Variants in INPP4A observed in about 807,000 individuals in gnomAD.
The protein encoded by INPP4A is inositol polyphosphate-4-phosphatase type I A.
INPP4A carries 33 observed loss-of-function variants against 119.8 expected under a neutral mutation model. That is an observed-to-expected ratio of 0.28 (90% confidence interval 0.21 to 0.37). The LOEUF is 0.37. Among genes scored for constraint, INPP4A ranks in the 10% least tolerant of loss-of-function variants. INPP4A has a pLI of 1.00. For missense variants in INPP4A, 956 were observed against 1,289.9 expected, an observed-to-expected ratio of 0.74 and a Z score of 3.97; for synonymous variants, 496 against 500.7, an observed-to-expected ratio of 0.99 and a Z score of 0.12.
At position 98,593,922 on chromosome 2, in the gene INPP4A, A is replaced by T; in HGVS notation, c.*6314A>T. The T allele has an allele frequency of 6.6e-6, 1 of 150,808 alleles. No homozygotes were observed. The highest frequency in any genetic ancestry group is 1.9e-4 in the East Asian group (1 of 5,200). The allele number at this position is 150,808 out of a possible 1,614,324, so 9.3% of individuals were successfully genotyped here. A position where few individuals can be genotyped will look rare whatever the true frequency, so the allele number is the denominator to read the frequency against. On this transcript the variant is annotated 3_prime_UTR_variant, in exon 25 of 25. Transcript: ENST00000409851. ...CCCACAAATGAAGTTGGCCCTTTCA[A>T]AAAAACTTCCTCTCCTTCATTGTTG... is the stretch of plus-strand genomic sequence containing the variant.
intron 1 of INPP4A, among the ~76,000 whole-genome samples, chr2:98,462,177 G>T (rs1673699924): frequency 6.6e-6 from 1 of 152,224 alleles, no homozygotes; most frequent in Non-Finnish European, 1.5e-5. Context: ...GGCCAGGCGT[G>T]GTGGCTCACG....
rs867760971 is a variant in INPP4A at position 98,572,877 on chromosome 2, G to A, written c.2581G>A (p.Val861Met). The change falls in exon 23 of 25, where the codon GTG (valine) becomes ATG (methionine). Residue 861 changes from valine (V) to methionine (M), a missense_variant. Transcript: ENST00000409851. ...PELLRFLGQN[V>M]HARKNKNVDI... ...GCTGCTGCGGTTTCTGGGTCAGAAC[G>A]TGCATGCCCGGAAGAATAAGAACGT... The A allele has an allele frequency of 1.9e-6, 3 of 1,580,596 alleles. No individual in the cohort carries two copies. Among genetic ancestry groups the A allele is most frequent in the Non-Finnish European group, 1.7e-6 (2 of 1,163,346 alleles).
intron 19 of INPP4A, 50 bp from the exon 20 acceptor site, chr2:98,565,590 A>C: frequency 1.3e-6 from 2 of 1,559,636 alleles, no homozygotes; most frequent in Non-Finnish European, 1.7e-6. Flanking sequence ...GAGACTGGGG[A>C]GAGTAGCAGG....
At chr2:98,507,664 T>C (rs1574816293) in intron 1 of INPP4A, among the ~76,000 whole-genome samples, 1 of 150,826 alleles carries the variant, frequency 6.6e-6, no homozygotes, top group Admixed American at 6.6e-5. Flanking sequence ...AGCTGGAGAG[T>C]TTCAAGTTGG....
Position 98,569,642 on chromosome 2 carries a change from A to G in INPP4A, c.2518+974A>G, listed in dbSNP as rs1286931522. On this transcript the variant is annotated intron_variant, in intron 22 of 24. Coordinates refer to ENST00000409851, the MANE Select transcript of INPP4A (RefSeq NM_001134225.2). The surrounding 1 kb of genome is among the most constrained non-coding windows in gnomAD (Gnocchi z 5.1). ...CATACGTTTCCACGCTGAATCCACA[A>G]CAGCCCTATGGGTCGGTGATAGGAT... 1 of 152,198 alleles carries G rather than the reference A, an allele frequency of 6.6e-6. No homozygotes were observed. Among genetic ancestry groups the G allele is most frequent in the Non-Finnish European group, 1.5e-5 (1 of 68,060 alleles). The allele number at this position is 152,198 out of a possible 1,614,324, so 9.4% of individuals were successfully genotyped here.
chr2:98,564,655 T>C lies in INPP4A; in HGVS notation c.2044T>C (p.Cys682Arg). 6.2e-7 allele frequency: 1 copy of C among 1,613,444 alleles called. No homozygotes were observed. Among genetic ancestry groups the C allele is most frequent in the Non-Finnish European group, 8.5e-7 (1 of 1,179,774 alleles). ...GCTCCCACAGCTGACCGCCCTCATC[T>C]GCGGCTTCATCATTAAGCTGAGGAA... ...VFCQTLTALI[C>R]GFIIKLRNCL... The change falls in exon 19 of 25, where the codon TGC becomes CGC. Residue 682 changes from cysteine to arginine, a missense_variant. Cys to Arg is a radical substitution (Grantham distance 180). Around this residue, in one of 2 missense-constraint regions of INPP4A, gnomAD observed 304 missense variants for 492.1 expected, o/e 0.62. Transcript: ENST00000409851.
chr2:98,561,911 A>G (rs1035468035), intron 17 of INPP4A, among the ~76,000 whole-genome samples: 1 of 152,252 alleles, frequency 6.6e-6, no homozygotes, highest in Non-Finnish European at 1.5e-5. Flanking sequence ...ATTGGCATAC[A>G]TTCAACAGAA....
At chr2:98,514,008 G>C (rs1244879560) in intron 1 of INPP4A, among the ~76,000 whole-genome samples, 2 of 152,188 alleles carry the variant, frequency 1.3e-5, no homozygotes, top group Non-Finnish European at 2.9e-5. Context: ...AGATCCCTGG[G>C]TAGATTCAGT....
intron 1 of INPP4A, among the ~76,000 whole-genome samples, chr2:98,493,883 G>A (rs925076730): frequency 2.0e-5 from 3 of 152,174 alleles, no homozygotes; most frequent in Admixed American, 1.3e-4. Flanking sequence ...TTCACTTCTG[G>A]AATGGTGGTG....
chr2:98,508,547 T>G (rs1684522187), intron 1 of INPP4A, among the ~76,000 whole-genome samples: 1 of 152,222 alleles, frequency 6.6e-6, no homozygotes, highest in South Asian at 2.1e-4. Context: ...CCCGGCCCTC[T>G]TGGAGCAGCA....
chr2:98,552,695 C>T (rs757306931), intron 13 of INPP4A, 91 bp from the exon 14 acceptor site: 3 of 1,039,884 alleles, frequency 2.9e-6, no homozygotes, highest in Non-Finnish European at 4.5e-6. Flanking sequence ...AACACTTCAT[C>T]TTAGGGTCAA....
chr2:98,566,206 G>A lies in INPP4A; in HGVS notation c.2420+37G>A. The A allele has an allele frequency of 6.5e-7, 1 of 1,541,720 alleles. No individual in the cohort carries two copies. Among genetic ancestry groups the A allele is most frequent in the Non-Finnish European group, 8.8e-7 (1 of 1,140,678 alleles). On this transcript the variant is annotated intron_variant, in intron 21 of 24. Transcript: ENST00000409851. This position sits in a 1 kb window ranked among gnomAD's most constrained non-coding sequence, Gnocchi z 4.2. ...CTCCTCGGGGCTGCGGGGGTGTGGT[G>A]GCCCTGGAGATGATGCAGAAAACGT... is the stretch of plus-strand genomic sequence containing the variant.
At chr2:98,578,676 G>A (rs532196585) in intron 24 of INPP4A, among the ~76,000 whole-genome samples, 3 of 152,342 alleles carry the variant, frequency 2.0e-5, no homozygotes, top group African/African-American at 7.2e-5. Context: ...CAGGACAGCC[G>A]TTACAGTTAC....
intron 1 of INPP4A, among the ~76,000 whole-genome samples, chr2:98,481,019 C>G (rs1490727962): frequency 6.6e-6 from 1 of 152,184 alleles, no homozygotes; most frequent in Non-Finnish European, 1.5e-5. Context: ...GAAACTGAGG[C>G]CCAAAGAGAG....
Position 98,565,869 on chromosome 2 carries a change from TA to T in INPP4A, c.2279+106del. On this transcript the variant is annotated intron_variant, in intron 20 of 24. Coordinates refer to ENST00000409851, the MANE Select transcript of INPP4A (RefSeq NM_001134225.2). Reference sequence around the variant, plus strand: ...AATTTTTTATCCTATTTCATTTTGTTAAATGCTCTGATTACAGCCCCCTAGG... The same window carrying T: ...AATTTTTTATCCTATTTCATTTTGTTAATGCTCTGATTACAGCCCCCTAGG... 1.9e-6 allele frequency: 3 copies of T among 1,541,602 alleles called. No individual in the cohort carries two copies. The Admixed American group carries it at 6.0e-5, about 31-fold the overall frequency.
intron 2 of INPP4A, 191 bp from the exon 3 acceptor site, chr2:98,519,755 G>A (rs1260533368): frequency 7.2e-6 from 3 of 415,244 alleles, no homozygotes; most frequent in East Asian, 4.8e-5. Context: ...TGGACACCCT[G>A]TGTTGGGGAG....
intron 1 of INPP4A, among the ~76,000 whole-genome samples, chr2:98,504,028 G>T (rs1683608634): frequency 6.6e-6 from 1 of 152,206 alleles, no homozygotes; most frequent in African/African-American, 2.4e-5. Context: ...ACAGCTTATT[G>T]CACTCTTTTA....
rs541089687 is a variant in INPP4A at position 98,573,285 on chromosome 2, T to C, written c.2631+358T>C. ...AGGCCATGTGACCTTTCAGGTCTCT[T>C]TAAACCATCTTTATCGTCCATTGTG... On this transcript the variant is annotated intron_variant, in intron 23 of 24. Coordinates refer to ENST00000409851, the MANE Select transcript of INPP4A (RefSeq NM_001134225.2). 6.6e-5 allele frequency among the ~76,000 whole-genome samples: 10 copies of C among 152,342 alleles called. No homozygotes were observed. The East Asian group carries it at 7.7e-4, about 12-fold the overall frequency.
intron 1 of INPP4A, among the ~76,000 whole-genome samples, chr2:98,465,572 G>C (rs1343557282): frequency 6.6e-6 from 1 of 152,196 alleles, no homozygotes; most frequent in Non-Finnish European, 1.5e-5. Context: ...ACAGCAGCCT[G>C]ATGAGGACCA....
Sources: allele counts gnomAD v4.1 joint callset (sites outside exome capture counted in the v4.1 genomes callset), GRCh38; gene constraint gnomAD v4.1.1; regional missense constraint gnomAD v4.1.1; non-coding constraint Gnocchi (gnomAD v3.1); transcripts MANE v1.5; gene names NCBI Gene and HGNC (gene_info 2026-07-23, HGNC 2026-07-21).